DKKL1: variants seen among roughly 807,000 people sequenced by gnomAD.
The protein encoded by DKKL1 is dickkopf like acrosomal protein 1.
Under a neutral mutation model 16.5 loss-of-function variants are expected in DKKL1, and 11 were observed. The ratio of observed to expected loss-of-function variants is 0.67; its 90% CI spans 0.42 to 1.10. The LOEUF is 1.10. DKKL1 is among the 50% of genes least tolerant of loss of function. The probability of loss-of-function intolerance (pLI) is 0.00; values close to 1 mark genes in which losing one functional copy is unlikely to be tolerated. For synonymous variants in DKKL1, 119 were observed against 133.2 expected (o/e 0.89, Z 0.73); for missense variants, 320 against 308.1 (o/e 1.04, Z -0.29).
At chr19:49,366,559 T>C (rs981683624) in intron 4 of DKKL1, among the ~76,000 whole-genome samples, 1 of 152,098 alleles carries the variant, frequency 6.6e-6, no homozygotes, top group African/African-American at 2.4e-5. Context: ...AAACCCCAAA[T>C]TGTGTTTTTG....
chr19:49,364,098 C>G (rs1973142809), intron 1 of DKKL1, 90 bp downstream of exon 1: 5 of 1,553,478 alleles, frequency 3.2e-6, no homozygotes, highest in Non-Finnish European at 4.4e-6. Flanking sequence ...GCCTGCAATC[C>G]CAACACTTTG....
At chr19:49,366,435 C>CTTT (rs5828393) in intron 4 of DKKL1, among the ~76,000 whole-genome samples, 1 of 149,402 alleles carries the variant, frequency 6.7e-6, no homozygotes, top group African/African-American at 2.5e-5. Flanking sequence ...AAGTGGTTTT[C>CTTT]TTTTTTTTTT....
At chr19:49,363,413 C>A (rs1481796713), upstream of DKKL1, among the ~76,000 whole-genome samples, 2 of 152,210 alleles carry the variant, frequency 1.3e-5, no homozygotes, top group Non-Finnish European at 2.9e-5. Context: ...AGAGTGAGAG[C>A]TAAAAGGGAT....
rs375743381 is a variant in DKKL1, at chr19:49,364,767, G to A, written c.183+13G>A. The A allele has an allele frequency of 1.7e-4, 268 of 1,608,150 alleles. No individual in the cohort carries two copies. The highest frequency in any genetic ancestry group is 2.1e-4 in the Non-Finnish European group (247 of 1,176,980). On this transcript the variant is annotated intron_variant, in intron 2 of 4. Coordinates refer to ENST00000221498, the MANE Select transcript of DKKL1 (RefSeq NM_014419.4). ...ACTTTTCCTGAAAGTAAGCGATGGC[G>A]GGGGGATGGGGGAAGAAGTACTGAG... is the stretch of plus-strand genomic sequence containing the variant.
chr19:49,368,933 G>A (rs190610210), intron 4 of DKKL1: 1 of 152,264 alleles, frequency 6.6e-6, no homozygotes, highest in Non-Finnish European at 1.5e-5. Flanking sequence ...CTTTTGGCAA[G>A]CAACTTCCTC....
At chr19:49,363,687 T>G, upstream of DKKL1, 1 of 446,466 alleles carries the variant, frequency 2.2e-6, no homozygotes, top group African/African-American at 2.0e-5. Context: ...TGTGTGGGCG[T>G]GGCCAGGGAA....
At chr19:49,373,302 CA>C (rs35154036) in intron 4 of DKKL1, among the ~76,000 whole-genome samples, 71,853 of 125,876 alleles carry the variant, frequency 0.57, 18,500 homozygotes, top group African/African-American at 0.65. Flanking sequence ...GACTCCATCT[CA>C]AAAAAAAAAA....
At chr19:49,360,751 AGGGAG>A (rs767152746), upstream of DKKL1, among the ~76,000 whole-genome samples, 1,172 of 62,612 alleles carry the variant, frequency 0.019, 28 homozygotes, top group Non-Finnish European at 0.027. Context: ...AGACCCAGAG[AGGGAG>A]GGGGACAGAG....
At chr19:49,365,703 C>A (rs1488608696) in intron 3 of DKKL1, 54 bp downstream of exon 3, 3 of 1,594,418 alleles carry the variant, frequency 1.9e-6, no homozygotes, top group African/African-American at 2.7e-5. Context: ...CTCCATCCCG[C>A]CATCCCTCGT....
rs778135086 is a variant in DKKL1 at position 49,364,739 on chromosome 19, C to A, written c.168C>A (p.Ser56Arg). ...TGLQSLLQGF[S>R]RLFLKGNLLR... The stretch of plus-strand genomic sequence containing the variant: ...TCCAGAGCCTACTCCAAGGCTTCAG[C>A]CGACTTTTCCTGAAAGTAAGCGATG... Residue 56 changes from serine to arginine, a missense_variant, in exon 2 of 5, where the codon AGC (serine) becomes AGA (arginine). By Grantham distance (110) the Ser-to-Arg change is moderately radical. Transcript: ENST00000221498. 1 of 1,612,206 alleles carries A rather than the reference C, an allele frequency of 6.2e-7. No individual in the cohort carries two copies. Among genetic ancestry groups the A allele is most frequent in the Non-Finnish European group, 8.5e-7 (1 of 1,179,294 alleles).
rs768349016 is a variant in DKKL1, at chr19:49,365,860, A to G, written c.392A>G (p.Glu131Gly). The change falls in exon 4 of 5, where the codon GAG becomes GGG. Residue 131 changes from glutamate to glycine, a missense_variant. Transcript: ENST00000221498. ...ENVVASIQPA[E>G]GSFEGDLKVP... ...GTGGTGGCATCCATTCAACCAGCGG[A>G]GGGGAGCTTCGAGGGTGATTTGAAG... The G allele has an allele frequency of 6.2e-7, 1 of 1,614,064 alleles. No homozygotes were observed. The highest frequency in any genetic ancestry group is 8.5e-7 in the Non-Finnish European group (1 of 1,179,984).
chr19:49,362,933 T>G (rs942757542), upstream of DKKL1: 2 of 131,684 alleles, frequency 1.5e-5, no homozygotes, highest in Non-Finnish European at 3.1e-5. Context: ...TTTGTTTTTT[T>G]TGTTTTTTTT....
Position 49,365,568 on chromosome 19 carries a change from C to T in DKKL1, c.243C>T (p.Leu81=). 1 of 1,613,950 alleles carries T rather than the reference C, an allele frequency of 6.2e-7. No homozygotes were observed. The highest frequency in any genetic ancestry group is 2.2e-5 in the East Asian group (1 of 44,872). The change falls in exon 3 of 5, where the codon CTC becomes CTT. Residue 81 remains leucine (L), a synonymous_variant. Coordinates refer to ENST00000221498, the MANE Select transcript of DKKL1 (RefSeq NM_014419.4). ...LFSAPMDFRG[L]PGNYHKEENQ... is the part of the protein sequence containing the mutation. ...CTGCCCCCATGGACTTCCGGGGCCTCCCTGGGAACTACCACAAAGAGGAGA... is the reference window on the plus strand; with the variant it reads ...CTGCCCCCATGGACTTCCGGGGCCTTCCTGGGAACTACCACAAAGAGGAGA...
In DKKL1 at chr19:49,374,939, G is replaced by A. The variant is rs2288481; in HGVS notation, c.640G>A (p.Glu214Lys). 0.23 allele frequency: 369,973 copies of A among 1,613,460 alleles called. 44,298 individuals are homozygous for A. Among genetic ancestry groups the A allele is most frequent in the South Asian group, 0.35 (31,406 of 91,016 alleles). ...LRKGTHKDVL[E>K]EGTESSSHSR... ...CAAGGGGACCCACAAGGACGTCCTA[G>A]AAGAGGGGACCGAGAGCTCCTCCCA... Residue 214 changes from glutamate to lysine, a missense_variant, in exon 5 of 5, where the codon GAA becomes AAA. Transcript: ENST00000221498.
At position 49,374,543 on chromosome 19, in the gene DKKL1, A is replaced by G. The variant is rs73590184; in HGVS notation, c.418-174A>G. Among the ~76,000 whole-genome samples, 1,277 of 152,318 alleles carry G rather than the reference A, an allele frequency of 8.4e-3. 18 individuals are homozygous for G. Among genetic ancestry groups the G allele is most frequent in the African/African-American group, 0.029 (1,188 of 41,560 alleles). On this transcript the variant is annotated intron_variant, in intron 4 of 4. Coordinates refer to ENST00000221498, the MANE Select transcript of DKKL1 (RefSeq NM_014419.4). ...AATCCCAAAGCATTCTGTAAACCTC[A>G]GAGTATTTTTAATCCTTAAGTGTAA...
At position 49,363,967 on chromosome 19, in the gene DKKL1, A is replaced by G. The variant is rs1172947760; in HGVS notation, c.-32A>G. ...CCGGTGACCCGGGCTGTGGTCTAGC[A>G]TAAAGGCGGAGCCCAGAAGAAGGGG... On this transcript the variant is annotated 5_prime_UTR_variant, in exon 1 of 5. Transcript: ENST00000221498. The G allele has an allele frequency of 1.2e-6, 2 of 1,612,598 alleles. No individual in the cohort carries two copies. Among genetic ancestry groups the G allele is most frequent in the African/African-American group, 1.3e-5 (1 of 75,062 alleles).
rs528434244 is a variant in DKKL1, at chr19:49,373,931, C to G, written c.418-786C>G. On this transcript the variant is annotated intron_variant, in intron 4 of 4. Coordinates refer to ENST00000221498, the MANE Select transcript of DKKL1 (RefSeq NM_014419.4). ...TTGAATTGCAAGGACCAAACAGACA[C>G]TCAGTCCATATTCAAACTTTCTCCC... Among the ~76,000 whole-genome samples the G allele has an allele frequency of 7.4e-4, 113 of 152,174 alleles. 1 individual carries two copies. The South Asian group carries it at 7.9e-3, about 11-fold the overall frequency.
At position 49,365,833 on chromosome 19, in the gene DKKL1, A is replaced by C. The variant is rs1973229399; in HGVS notation, c.365A>C (p.Asn122Thr). The change falls in exon 4 of 5, where the codon AAT (asparagine) becomes ACT (threonine). Residue 122 changes from asparagine (N) to threonine (T), a missense_variant. By Grantham distance (65) the Asn-to-Thr change is moderately conservative. Coordinates refer to ENST00000221498, the MANE Select transcript of DKKL1 (RefSeq NM_014419.4). ...ACAGGAGAGGTGCTGATCTCCGAGA[A>C]TGTGGTGGCATCCATTCAACCAGCG... ...NKTGEVLISENVVASIQPAEG... is the reference protein window; with the variant it reads ...NKTGEVLISETVVASIQPAEG... The C allele has an allele frequency of 1.2e-6, 2 of 1,614,156 alleles. No homozygotes were observed. The highest frequency in any genetic ancestry group is 1.7e-6 in the Non-Finnish European group (2 of 1,180,014).
chr19:49,363,745 C>T, upstream of DKKL1: 1 of 575,306 alleles, frequency 1.7e-6, no homozygotes, highest in Non-Finnish European at 3.2e-6. Context: ...AAGGATGGGG[C>T]GTGGCTGTGT....
Sources: gnomAD v4.1 joint callset for allele counts (sites outside exome capture counted in the v4.1 genomes callset) on GRCh38, gnomAD v4.1.1 for gene constraint, MANE v1.5 for transcripts, NCBI Gene and HGNC (gene_info 2026-07-23, HGNC 2026-07-21) for gene names.